Variants in MPO observed in about 807,000 individuals in gnomAD.
MPO encodes myeloperoxidase.
MPO carries 57 observed loss-of-function variants against 69.4 expected under a neutral mutation model. The observed-to-expected ratio is 0.82, with a 90% confidence interval of 0.66 to 1.02. The LOEUF (loss-of-function observed/expected upper bound fraction) is 1.02. Ranked by LOEUF, MPO falls within the 50% of genes least tolerant of loss-of-function variation. The pLI is 0.00. For missense variants in MPO, 971 were observed against 1,014.1 expected (o/e 0.96, Z 0.58); for synonymous variants, 426 against 417.1 (o/e 1.02, Z -0.26).
Position 58,279,078 on chromosome 17 carries a change from C to T in MPO, c.815G>A (p.Arg272Gln), listed in dbSNP as rs1970476683. 1.9e-6 allele frequency: 3 copies of T among 1,612,958 alleles called. No homozygotes were observed. The African/African-American group carries it at 4.0e-5, about 21-fold the overall frequency. ...GTTGACGCCAGTGACGAAGGAGGCC[C>T]GGGCGGCCGGCTCAGGGGTGAAGTC... ...DLDFTPEPAARASFVTGVNCE... is the reference protein window; with the variant it reads ...DLDFTPEPAAQASFVTGVNCE... Residue 272 changes from arginine to glutamine, a missense_variant, in exon 6 of 12, where the codon CGG becomes CAG. Transcript: ENST00000225275.
Position 58,278,900 on chromosome 17 carries a change from C to G in MPO, c.885+108G>C. The G allele has an allele frequency of 3.0e-6, 4 of 1,331,438 alleles. No individual in the cohort carries two copies. In the Admixed American group the frequency reaches 5.9e-5, roughly 20 times the overall value. The allele number at this position is 1,331,438 out of a possible 1,614,324, so 82.5% of individuals were successfully genotyped here. A position where few individuals can be genotyped will look rare whatever the true frequency, so the allele number is the denominator to read the frequency against. ...GTGGACACAAGGGAGGCAGGGCCAGCCTTCCTCAGCGTCTGGGAAAGGAAA... is the reference window on the plus strand; with the variant it reads ...GTGGACACAAGGGAGGCAGGGCCAGGCTTCCTCAGCGTCTGGGAAAGGAAA... On this transcript the variant is annotated intron_variant, in intron 6 of 11. Coordinates refer to ENST00000225275, the MANE Select transcript of MPO (RefSeq NM_000250.2).
Position 58,280,431 on chromosome 17 carries a change from C to CAACG in MPO, c.179_182dup (p.Leu61PhefsTer58), listed in dbSNP as rs1270094031. On this transcript the variant is annotated frameshift_variant, in exon 2 of 12. Coordinates refer to ENST00000225275, the MANE Select transcript of MPO (RefSeq NM_000250.2). LOFTEE classifies it high-confidence loss of function. ...TGGCCTCCTCCATGGAGCTCAGCAC[C>CAACG]AACGAGGTGTCCACCTCCCCCAGGA... is the stretch of plus-strand genomic sequence containing the variant. The CAACG allele has an allele frequency of 6.2e-7, 1 of 1,614,008 alleles. No homozygotes were observed. Among genetic ancestry groups the CAACG allele is most frequent in the East Asian group, 2.2e-5 (1 of 44,880 alleles).
rs1399823848 is a variant in MPO, at chr17:58,277,970, C to T, written c.1061G>A (p.Arg354His). The change falls in exon 7 of 12, where the codon CGC becomes CAC. Residue 354 changes from arginine (R) to histidine (H), a missense_variant. Physicochemically the swap from Arg to His is conservative, Grantham distance 29. Coordinates refer to ENST00000225275, the MANE Select transcript of MPO (RefSeq NM_000250.2). ...CAGCCCCAGCTGGTTGGACATGTTG[C>T]GCAGGTTCCTGGCCAGGGGCTCCTC... The part of the protein sequence containing the change: ...GSEEPLARNL[R>H]NMSNQLGLLA... 1.2e-6 allele frequency: 2 copies of T among 1,613,706 alleles called. No homozygotes were observed. Among genetic ancestry groups the T allele is most frequent in the Admixed American group, 1.7e-5 (1 of 60,036 alleles).
intron 8 of MPO, among the ~76,000 whole-genome samples, chr17:58,274,676 C>T (rs1459081966): frequency 6.6e-6 from 1 of 151,592 alleles, no homozygotes; most frequent in East Asian, 2.0e-4. Flanking sequence ...AAAAATTAGC[C>T]GGGCGTGGTG....
chr17:58,274,106 C>T (rs1598040373), intron 8 of MPO: 1 of 460,644 alleles, frequency 2.2e-6, no homozygotes, highest in African/African-American at 2.0e-5. Flanking sequence ...CTTCACAGTG[C>T]CCACCAAGTG....
In MPO at chr17:58,280,802, C is replaced by T; in HGVS notation, c.-44G>A. 1 of 1,611,190 alleles carries T rather than the reference C, an allele frequency of 6.2e-7. No homozygotes were observed. Among genetic ancestry groups the T allele is most frequent in the East Asian group, 2.2e-5 (1 of 44,742 alleles). On this transcript the variant is annotated 5_prime_UTR_variant, in exon 1 of 12. Coordinates refer to ENST00000225275, the MANE Select transcript of MPO (RefSeq NM_000250.2). ...CTCAATCCCCCTTTGTACCTCAGCCCCACCTCAGAGGGCCCTGTCTATGGA... is the reference window on the plus strand; with the variant it reads ...CTCAATCCCCCTTTGTACCTCAGCCTCACCTCAGAGGGCCCTGTCTATGGA...
Position 58,279,187 on chromosome 17 carries a change from G to T in MPO, c.706C>A (p.Arg236Ser). 1.9e-6 allele frequency: 3 copies of T among 1,608,876 alleles called. No individual in the cohort carries two copies. Among genetic ancestry groups the T allele is most frequent in the Non-Finnish European group, 2.5e-6 (3 of 1,177,804 alleles). ...LARAVSNEIV[R>S]FPTDQLTPDQ... ...GGAGTCAGCTGATCAGTGGGGAAGCGCACGATCTCGTTGGAGACCGCGCGA... is the reference window on the plus strand; with the variant it reads ...GGAGTCAGCTGATCAGTGGGGAAGCTCACGATCTCGTTGGAGACCGCGCGA... The change falls in exon 6 of 12, where the codon CGC (arginine) becomes AGC (serine). Residue 236 changes from arginine to serine, a missense_variant. Physicochemically the swap from Arg to Ser is moderately radical, Grantham distance 110. Transcript: ENST00000225275.
Position 58,273,644 on chromosome 17 carries a change from G to A in MPO, c.1391C>T (p.Pro464Leu). 1 of 1,614,222 alleles carries A rather than the reference G, an allele frequency of 6.2e-7. No homozygotes were observed. The stretch of plus-strand genomic sequence containing the variant: ...CATGGCCGTTGGCCCCAGCACCAGG[G>A]GCAGGTAGTCCCGGTAAGTGATGAT... ...VQIITYRDYL[P>L]LVLGPTAMRK... Residue 464 changes from proline to leucine, a missense_variant, in exon 9 of 12, where the codon CCC becomes CTC. By Grantham distance (98) the Pro-to-Leu change is moderately conservative. Coordinates refer to ENST00000225275, the MANE Select transcript of MPO (RefSeq NM_000250.2).
At chr17:58,278,978 A>G (rs1970475070) in intron 6 of MPO, 30 bp downstream of exon 6, 2 of 1,586,888 alleles carry the variant, frequency 1.3e-6, no homozygotes, top group Admixed American at 1.8e-5. Context: ...CCCTCTCCCA[A>G]CCCAGGCAGT....
At chr17:58,280,551 T>C in intron 1 of MPO, 54 bp downstream of exon 1, 2 of 1,614,078 alleles carry the variant, frequency 1.2e-6, no homozygotes, top group Non-Finnish European at 1.7e-6. Flanking sequence ...AAAAGGGGTC[T>C]CTGGAACACA....
At position 58,275,814 on chromosome 17, in the gene MPO, CT is replaced by C; in HGVS notation, c.1205-113del. ...CTGAAATGCCTCCTACTCACCCCTC[CT>C]CCCCATCCATCTTTTCAAACTATCC... On this transcript the variant is annotated intron_variant, in intron 7 of 11. Coordinates refer to ENST00000225275, the MANE Select transcript of MPO (RefSeq NM_000250.2). This position sits in a 1 kb window ranked among gnomAD's most constrained non-coding sequence, Gnocchi z 4.1. 2.3e-6 allele frequency: 3 copies of C among 1,280,266 alleles called. No homozygotes were observed. Among genetic ancestry groups the C allele is most frequent in the Non-Finnish European group, 3.3e-6 (3 of 903,990 alleles). The allele number at this position is 1,280,266 out of a possible 1,614,324, so 79.3% of individuals were successfully genotyped here. A position where few individuals can be genotyped will look rare whatever the true frequency, so the allele number is the denominator to read the frequency against.
In MPO at chr17:58,271,740, C is replaced by A; in HGVS notation, c.1945G>T (p.Glu649Ter). The A allele has an allele frequency of 6.2e-7, 1 of 1,613,956 alleles. No individual in the cohort carries two copies. The highest frequency in any genetic ancestry group is 2.2e-5 in the East Asian group (1 of 44,882). Residue 649 changes from glutamate (E) to a stop codon, truncating the protein, a stop_gained, in exon 11 of 12, where the codon GAG (glutamate) becomes TAG (stop). Transcript: ENST00000225275. LOFTEE classifies it high-confidence loss of function. ...ACGCGGCCTTTGCGCTTCAGAGGCT[C>A]GGACACGCCGCCCATCCAGATGTCG... The part of the protein sequence containing the change: ...NIDIWMGGVS[E>*]PLKRKGRVGP...
At chr17:58,274,749 G>T (rs1260017139) in intron 8 of MPO, among the ~76,000 whole-genome samples, 1 of 152,230 alleles carries the variant, frequency 6.6e-6, no homozygotes, top group East Asian at 1.9e-4. Context: ...GAGCCTGAAA[G>T]GTGGAGGTTG....
intron 8 of MPO, among the ~76,000 whole-genome samples, chr17:58,274,501 G>T (rs1970411323): frequency 6.6e-6 from 1 of 152,014 alleles, no homozygotes; most frequent in East Asian, 1.9e-4. Flanking sequence ...AAGGACATTG[G>T]GTGGATTATG....
Position 58,280,621 on chromosome 17 carries a change from A to T in MPO, c.138T>A (p.Ser46=). The T allele has an allele frequency of 6.2e-7, 1 of 1,614,238 alleles. No homozygotes were observed. The highest frequency in any genetic ancestry group is 8.5e-7 in the Non-Finnish European group (1 of 1,180,046). ...AACTGTTACCTGGAGCAGCACCTTC[A>T]GAGGGCTGGGGCGTGGCCAGAATGG... ...LLAILATPQP[S]EGAAPAVLGE... Residue 46 remains serine, a synonymous_variant, in exon 1 of 12, where the codon TCT becomes TCA. Coordinates refer to ENST00000225275, the MANE Select transcript of MPO (RefSeq NM_000250.2).
In MPO at chr17:58,277,970, C is replaced by A; in HGVS notation, c.1061G>T (p.Arg354Leu). The A allele has an allele frequency of 1.9e-6, 3 of 1,613,706 alleles. No homozygotes were observed. The highest frequency in any genetic ancestry group is 2.5e-6 in the Non-Finnish European group (3 of 1,180,036). ...CAGCCCCAGCTGGTTGGACATGTTGCGCAGGTTCCTGGCCAGGGGCTCCTC... is the reference window on the plus strand; with the variant it reads ...CAGCCCCAGCTGGTTGGACATGTTGAGCAGGTTCCTGGCCAGGGGCTCCTC... Reference protein sequence around the residue: ...GSEEPLARNLRNMSNQLGLLA... With the variant: ...GSEEPLARNLLNMSNQLGLLA... Residue 354 changes from arginine to leucine, a missense_variant, in exon 7 of 12, where the codon CGC (arginine) becomes CTC (leucine). Physicochemically the swap from Arg to Leu is moderately radical, Grantham distance 102 (BLOSUM62 -2). Coordinates refer to ENST00000225275, the MANE Select transcript of MPO (RefSeq NM_000250.2).
chr17:58,273,043 C>T (rs959112827), intron 9 of MPO, 125 bp from the exon 10 acceptor site: 2 of 1,251,668 alleles, frequency 1.6e-6, no homozygotes, highest in Non-Finnish European at 2.2e-6. Flanking sequence ...CAAGCAGTGC[C>T]TGGTGCCAAG....
rs1276343040 is a variant in MPO, at chr17:58,280,651, G to C, written c.108C>G (p.Leu36=). ...GCTGGGGCGTGGCCAGAATGGCCAG[G>C]AGCCCTGCTAGGGCCAGAAGCAGCT... ...EMKLLLALAG[L]LAILATPQPS... The change falls in exon 1 of 12, where the codon CTC becomes CTG. Residue 36 remains leucine, a synonymous_variant. Coordinates refer to ENST00000225275, the MANE Select transcript of MPO (RefSeq NM_000250.2). The C allele has an allele frequency of 6.2e-7, 1 of 1,614,116 alleles. No homozygotes were observed. Among genetic ancestry groups the C allele is most frequent in the African/African-American group, 1.3e-5 (1 of 74,948 alleles).
Position 58,280,726 on chromosome 17 carries a change from G to C in MPO, c.33C>G (p.Cys11Trp), listed in dbSNP as rs201925211. 5.0e-6 allele frequency: 8 copies of C among 1,614,090 alleles called. No individual in the cohort carries two copies. The highest frequency in any genetic ancestry group is 6.8e-6 in the Non-Finnish European group (8 of 1,180,050). Residue 11 changes from cysteine (C) to tryptophan (W), a missense_variant, in exon 1 of 12, where the codon TGC becomes TGG. Transcript: ENST00000225275. ...CCCAGCAAGGTCCTAAGTCCACCAT[G>C]CATCTGAGAGAAGAGAAGAAGGGAA... MGVPFFSSLR[C>W]MVDLGPCWAG...
Sources: gnomAD v4.1 joint callset for allele counts (sites outside exome capture counted in the v4.1 genomes callset) on GRCh38, gnomAD v4.1.1 for gene constraint, Gnocchi (gnomAD v3.1) non-coding constraint, MANE v1.5 for transcripts, NCBI Gene and HGNC (gene_info 2026-07-23, HGNC 2026-07-21) for gene names.